Variants in CFAP107 observed in about 807,000 individuals in gnomAD.
CFAP107 encodes cilia- and flagella-associated protein 107.
At chr1:12,746,773 C>G in the CFAP107 span, among the ~76,000 whole-genome samples, 1 of 152,042 alleles carries the variant, frequency 6.6e-6, no homozygotes, top group Admixed American at 6.5e-5. Context: ...TCGAAAAGAC[C>G]ACTGACACTC....
At chr1:12,760,221 T>C in the CFAP107 span, among the ~76,000 whole-genome samples, 1 of 152,132 alleles carries the variant, frequency 6.6e-6, no homozygotes, top group African/African-American at 2.4e-5. Context: ...ATTTGTCCTA[T>C]CCACAATCCC....
the CFAP107 span, chr1:12,755,902 G>A: frequency 5.3e-5 from 46 of 860,646 alleles, no homozygotes; most frequent in Admixed American, 5.3e-4. Context: ...GCTTAGTACC[G>A]TCTTGGGGGA....
At chr1:12,758,480 A>AC in the CFAP107 span, among the ~76,000 whole-genome samples, 1 of 151,346 alleles carries the variant, frequency 6.6e-6, no homozygotes, top group Admixed American at 6.6e-5. Context: ...GTCTGTGCCC[A>AC]CCCCCCTTGT....
chr1:12,755,639 C>A, the CFAP107 span: 2 of 1,146,518 alleles, frequency 1.7e-6, no homozygotes, highest in East Asian at 2.3e-5. Flanking sequence ...GGTAAGGGGA[C>A]CCAGCAGAAG....
chr1:12,748,869 A>T, the CFAP107 span, among the ~76,000 whole-genome samples: 1 of 152,246 alleles, frequency 6.6e-6, no homozygotes, highest in African/African-American at 2.4e-5. Flanking sequence ...ATTAAAAAGG[A>T]GATTGAAATT....
the CFAP107 span, chr1:12,759,545 CGG>C: frequency 2.5e-6 from 4 of 1,588,628 alleles, no homozygotes; most frequent in African/African-American, 5.4e-5. Context: ...CACAGACCAA[CGG>C]AGCTGTACCT....
At chr1:12,750,183 G>C in the CFAP107 span, among the ~76,000 whole-genome samples, 6 of 152,122 alleles carry the variant, frequency 3.9e-5, no homozygotes, top group Non-Finnish European at 7.4e-5. Flanking sequence ...TATAACTGTA[G>C]GATATTGTGT....
chr1:12,759,463 G>T, the CFAP107 span: 2 of 1,614,056 alleles, frequency 1.2e-6, no homozygotes, highest in African/African-American at 2.7e-5. Context: ...GTGGCTGCCA[G>T]AGAAGTCTGA....
the CFAP107 span, chr1:12,759,358 C>T: frequency 1.2e-5 from 19 of 1,614,018 alleles, no homozygotes; most frequent in East Asian, 1.3e-4. Flanking sequence ...GCCCCCACAT[C>T]GCTACCTGAT....
At chr1:12,759,214 C>T in the CFAP107 span, 2 of 1,418,966 alleles carry the variant, frequency 1.4e-6, no homozygotes, top group African/African-American at 2.8e-5. Context: ...TCCATCAGCA[C>T]CACAGACCCC....
chr1:12,758,500 G>C, the CFAP107 span, among the ~76,000 whole-genome samples: 1 of 152,104 alleles, frequency 6.6e-6, no homozygotes, highest in African/African-American at 2.4e-5. Context: ...TCTTCCTCTG[G>C]CATTGTGATC....
chr1:12,760,738 C>T, the CFAP107 span: 1 of 1,598,800 alleles, frequency 6.3e-7, no homozygotes, highest in Non-Finnish European at 8.5e-7. Flanking sequence ...TTCTGTAAGC[C>T]CCATTCAACT....
the CFAP107 span, chr1:12,759,598 G>A: frequency 8.2e-7 from 1 of 1,218,716 alleles, no homozygotes; most frequent in Non-Finnish European, 1.2e-6. Flanking sequence ...CCTGGCTCCA[G>A]GAGAGCAGCG....
At chr1:12,746,271 A>T in the CFAP107 span, 36 of 517,018 alleles carry the variant, frequency 7.0e-5, no homozygotes, top group East Asian at 2.1e-4. Context: ...GGGCCGTTTT[A>T]TTCTCTGAGG....
the CFAP107 span, chr1:12,759,525 T>C: frequency 6.2e-7 from 1 of 1,612,564 alleles, no homozygotes; most frequent in South Asian, 1.1e-5. Flanking sequence ...TGCGTTGGTC[T>C]GTAAAGTTGC....
chr1:12,762,262 C>T, the CFAP107 span: 3 of 151,904 alleles, frequency 2.0e-5, no homozygotes, highest in Non-Finnish European at 4.4e-5. Flanking sequence ...CAGAGCCTGA[C>T]ACAGGCTAAG....
At chr1:12,760,944 A>G in the CFAP107 span, 2 of 1,610,152 alleles carry the variant, frequency 1.2e-6, no homozygotes, top group Non-Finnish European at 8.5e-7. Context: ...CCTCTCCCAC[A>G]CTTCTGAGAG....
chr1:12,746,407 A>C, the CFAP107 span: 1 of 1,594,466 alleles, frequency 6.3e-7, no homozygotes, highest in Non-Finnish European at 8.6e-7. Context: ...ATCAAGTCAA[A>C]GAAACCTGGG....
the CFAP107 span, chr1:12,759,507 T>C: frequency 6.2e-7 from 1 of 1,613,866 alleles, no homozygotes; most frequent in South Asian, 1.1e-5. Context: ...TAATTCAGGG[T>C]ATTCCTCTGC....
Sources: gnomAD v4.1 joint callset for allele counts (sites outside exome capture counted in the v4.1 genomes callset) on GRCh38, gnomAD v4.1.1 for gene constraint, MANE v1.5 for transcripts, NCBI Gene and HGNC (gene_info 2026-07-23, HGNC 2026-07-21) for gene names.